The following RANBP2 variants were observed in gnomAD, a reference collection of about 807,000 sequenced individuals.
RANBP2 encodes RAN binding protein 2.
A neutral mutation model predicts 303.6 loss-of-function variants in RANBP2; 57 were observed. The ratio of observed to expected loss-of-function variants is 0.19; its 90% CI spans 0.15 to 0.23. The LOEUF (loss-of-function observed/expected upper bound fraction) is 0.23, where lower values mean the gene tolerates loss of function less well. Ranked by LOEUF, RANBP2 falls within the 10% of genes least tolerant of loss-of-function variation. RANBP2 has a pLI of 1.00. For missense variants in RANBP2, 3,138 were observed against 3,780.8 expected (o/e 0.83, Z 4.46); for synonymous variants, 1,167 against 1,301.5 (o/e 0.90, Z 2.23).
At chr2:109,145,529 G>A in the RANBP2 span, among the ~76,000 whole-genome samples, 1 of 152,132 alleles carries the variant, frequency 6.6e-6, no homozygotes, top group African/African-American at 2.4e-5. Context: ...CTCATGAAAG[G>A]GGCTGCTTCC....
chr2:109,489,764 G>A, the RANBP2 span, among the ~76,000 whole-genome samples: 1 of 151,572 alleles, frequency 6.6e-6, no homozygotes, highest in African/African-American at 2.4e-5. Flanking sequence ...GGGGGACGGA[G>A]TCTCGCTCTG....
At chr2:109,063,306 C>A in the RANBP2 span, among the ~76,000 whole-genome samples, 3 of 152,188 alleles carry the variant, frequency 2.0e-5, no homozygotes, top group Non-Finnish European at 4.4e-5. Context: ...AACCTTTGAG[C>A]ATTTCCTGTT....
the RANBP2 span, among the ~76,000 whole-genome samples, chr2:109,531,702 G>C: frequency 6.6e-6 from 1 of 152,218 alleles, no homozygotes; most frequent in Non-Finnish European, 1.5e-5. Flanking sequence ...GAAGTCTCCA[G>C]TGGCATACCA....
chr2:109,319,216 A>T, the RANBP2 span, among the ~76,000 whole-genome samples: 1 of 152,212 alleles, frequency 6.6e-6, no homozygotes, highest in African/African-American at 2.4e-5. Flanking sequence ...TGACAGTGGC[A>T]TCGTTTTGCA....
chr2:108,919,121 C>T, the RANBP2 span, among the ~76,000 whole-genome samples: 2 of 152,128 alleles, frequency 1.3e-5, no homozygotes, highest in Non-Finnish European at 1.5e-5. Flanking sequence ...AGCAACTGAG[C>T]GCCGGTGTCT....
chr2:109,794,706 G>A, the RANBP2 span: 2 of 716,782 alleles, frequency 2.8e-6, no homozygotes, highest in Non-Finnish European at 3.3e-6. Flanking sequence ...CCGGCCGGCT[G>A]GCGCAGTCCT....
chr2:109,707,163 A>T, the RANBP2 span, among the ~76,000 whole-genome samples: 2 of 152,226 alleles, frequency 1.3e-5, no homozygotes, highest in Non-Finnish European at 2.9e-5. Context: ...TTAACTTCAG[A>T]TCTACTGCCT....
At chr2:109,312,597 TGG>T in the RANBP2 span, among the ~76,000 whole-genome samples, 1 of 140,024 alleles carries the variant, frequency 7.1e-6, no homozygotes, top group East Asian at 3.5e-4. Flanking sequence ...TTGCCCACTC[TGG>T]AGATTTGATA....
the RANBP2 span, among the ~76,000 whole-genome samples, chr2:109,253,522 A>G: frequency 6.6e-6 from 1 of 152,194 alleles, no homozygotes; most frequent in Non-Finnish European, 1.5e-5. Flanking sequence ...AATCCAGGCA[A>G]CAGAAATACC....
At chr2:108,734,725 G>C (rs1355170875) in intron 4 of RANBP2, among the ~76,000 whole-genome samples, 1 of 151,800 alleles carries the variant, frequency 6.6e-6, no homozygotes, top group Non-Finnish European at 1.5e-5. Flanking sequence ...AGAATAACAA[G>C]GGTGGTATGG....
the RANBP2 span, among the ~76,000 whole-genome samples, chr2:109,394,954 T>A: frequency 6.6e-6 from 1 of 152,240 alleles, no homozygotes; most frequent in Non-Finnish European, 1.5e-5. Flanking sequence ...GGCGAGGGCA[T>A]CCTGTGACCG....
the RANBP2 span, among the ~76,000 whole-genome samples, chr2:109,241,584 C>T: frequency 1.1e-4 from 17 of 152,132 alleles, no homozygotes; most frequent in Admixed American, 3.3e-4. Flanking sequence ...TGGCCTCAGG[C>T]ATTGAGGTTT....
the RANBP2 span, chr2:109,502,108 G>A: frequency 1.8e-5 from 3 of 169,534 alleles, no homozygotes; most frequent in Admixed American, 1.1e-4. Flanking sequence ...TGGGCTTCCC[G>A]CGGGGCCCAG....
At chr2:109,135,953 G>T in the RANBP2 span, among the ~76,000 whole-genome samples, 1 of 152,202 alleles carries the variant, frequency 6.6e-6, no homozygotes, top group East Asian at 1.9e-4. Context: ...GATCCAGCCT[G>T]TTGGCAGGCT....
the RANBP2 span, among the ~76,000 whole-genome samples, chr2:109,610,928 G>T: frequency 6.6e-6 from 1 of 152,138 alleles, no homozygotes; most frequent in Non-Finnish European, 1.5e-5. Flanking sequence ...GGGGAGAGAA[G>T]AATAAAGTGG....
chr2:108,946,992 G>A, the RANBP2 span, among the ~76,000 whole-genome samples: 4 of 152,186 alleles, frequency 2.6e-5, no homozygotes, highest in South Asian at 2.1e-4. Flanking sequence ...AGTCTCATCT[G>A]AGACAAGGCA....
chr2:109,506,696 G>GT, the RANBP2 span, among the ~76,000 whole-genome samples: 2 of 152,342 alleles, frequency 1.3e-5, no homozygotes, highest in South Asian at 4.1e-4. Context: ...AAGTTCTGTT[G>GT]TTAGCTCTGA....
downstream of RANBP2, chr2:108,786,658 A>G (rs116162699): frequency 6.3e-6 from 4 of 637,278 alleles, no homozygotes; most frequent in African/African-American, 3.9e-5. Flanking sequence ...GGACGCGCTG[A>G]CAAGCCGGGC....
the RANBP2 span, among the ~76,000 whole-genome samples, chr2:109,467,510 C>T: frequency 6.6e-6 from 1 of 152,162 alleles, no homozygotes; most frequent in Non-Finnish European, 1.5e-5. Flanking sequence ...GACTGGGGGG[C>T]TTGGGCCCAC....
Sources: allele counts gnomAD v4.1 joint callset (sites outside exome capture counted in the v4.1 genomes callset), GRCh38; gene constraint gnomAD v4.1.1; transcripts MANE v1.5; gene names NCBI Gene and HGNC (gene_info 2026-07-23, HGNC 2026-07-21).